Variants in KLHL18 observed in about 807,000 individuals in gnomAD.
KLHL18 encodes the protein kelch like family member 18.
In KLHL18, 38 loss-of-function variants were observed where a neutral mutation model predicts 58.5. The ratio of observed to expected loss-of-function variants is 0.65; its 90% CI spans 0.50 to 0.85. The LOEUF is 0.85. KLHL18 is among the 40% of genes least tolerant of loss of function. KLHL18 has a pLI of 0.00. For missense variants in KLHL18, 624 were observed against 778.4 expected (o/e 0.80, Z 2.36); for synonymous variants, 303 against 301.9 (o/e 1.00, Z -0.04).
chr3:47,325,995 A>G (rs370398081), intron 3 of KLHL18, among the ~76,000 whole-genome samples: 1 of 151,700 alleles, frequency 6.6e-6, no homozygotes, highest in Non-Finnish European at 1.5e-5. Flanking sequence ...TCGCCCAGGC[A>G]GGAATGCAGT....
At chr3:47,288,232 A>G in intron 1 of KLHL18, among the ~76,000 whole-genome samples, 1 of 151,444 alleles carries the variant, frequency 6.6e-6, no homozygotes, top group Non-Finnish European at 1.5e-5. Flanking sequence ...AAAAAAAAAA[A>G]AAAAAAAAAA....
intron 3 of KLHL18, among the ~76,000 whole-genome samples, chr3:47,327,656 A>T (rs2107642806): frequency 6.6e-6 from 1 of 152,360 alleles, no homozygotes; most frequent in South Asian, 2.1e-4. Flanking sequence ...CTTTGCCTAC[A>T]TCTTGCTCTC....
chr3:47,341,770 A>C (rs1372320369), intron 8 of KLHL18, among the ~76,000 whole-genome samples: 1 of 152,098 alleles, frequency 6.6e-6, no homozygotes, highest in African/African-American at 2.4e-5. Context: ...GAAGAACCAC[A>C]TGAAGGGCTG....
chr3:47,322,930 T>C (rs1039545557), intron 3 of KLHL18, among the ~76,000 whole-genome samples: 3 of 152,158 alleles, frequency 2.0e-5, no homozygotes, highest in Admixed American at 6.5e-5. Flanking sequence ...GCCTGCCCTT[T>C]CCCTTGGCTT....
Position 47,343,961 on chromosome 3 carries a change from T to G in KLHL18, c.*20T>G, listed in dbSNP as rs780197688. On this transcript the variant is annotated 3_prime_UTR_variant, in exon 10 of 10. Transcript: ENST00000232766. ...ATCTAAGGCAGAGGATGGGATGTGG[T>G]GGGGCAGGGATCTGGTACAGACATA... 6.2e-7 allele frequency: 1 copy of G among 1,610,310 alleles called. No individual in the cohort carries two copies. The highest frequency in any genetic ancestry group is 1.1e-5 in the South Asian group (1 of 91,052).
At chr3:47,310,867 A>T (rs568647362) in intron 1 of KLHL18, among the ~76,000 whole-genome samples, 1 of 152,226 alleles carries the variant, frequency 6.6e-6, no homozygotes, top group South Asian at 2.1e-4. Context: ...GGCCGAGCTC[A>T]GCTCTTCTCT....
At chr3:47,333,448 T>C in intron 5 of KLHL18, 131 bp downstream of exon 5, 1 of 885,250 alleles carries the variant, frequency 1.1e-6, no homozygotes, top group Non-Finnish European at 1.7e-6. Context: ...CAGATTGGTC[T>C]GCCCTCTGTC....
At chr3:47,319,381 CCATT>C (rs1019185729) in intron 1 of KLHL18, among the ~76,000 whole-genome samples, 2 of 152,190 alleles carry the variant, frequency 1.3e-5, no homozygotes, top group African/African-American at 4.8e-5. Context: ...TTACATGAAA[CCATT>C]CAGGCTTAAA....
chr3:47,293,432 T>G (rs1042513297), intron 1 of KLHL18, among the ~76,000 whole-genome samples: 9 of 152,220 alleles, frequency 5.9e-5, no homozygotes, highest in Admixed American at 5.9e-4. Flanking sequence ...CATCTGATGC[T>G]AAGGAGTAAT....
chr3:47,336,837 A>G lies in KLHL18; in HGVS notation c.1121+80A>G, dbSNP rs920677057. On this transcript the variant is annotated intron_variant, in intron 7 of 9. Transcript: ENST00000232766. Reference sequence around the variant, plus strand: ...CCATGCTAGACGAGCAGGGGCACACAGTAGAGTAAAATACAAGCTTTGGCC... The same window carrying G: ...CCATGCTAGACGAGCAGGGGCACACGGTAGAGTAAAATACAAGCTTTGGCC... The G allele has an allele frequency of 3.6e-6, 4 of 1,120,466 alleles. No individual in the cohort carries two copies. The African/African-American group carries it at 4.6e-5, about 13-fold the overall frequency. The allele number at this position is 1,120,466 out of a possible 1,614,324, so 69.4% of individuals were successfully genotyped here.
chr3:47,288,245 G>C (rs1388162170), intron 1 of KLHL18, among the ~76,000 whole-genome samples: 4 of 119,660 alleles, frequency 3.3e-5, no homozygotes, highest in Non-Finnish European at 5.3e-5. Context: ...AAAAAAAAAA[G>C]ACTTTGCCAA....
intron 1 of KLHL18, among the ~76,000 whole-genome samples, chr3:47,288,989 A>G (rs145544381): frequency 9.9e-4 from 151 of 152,356 alleles, no homozygotes; most frequent in African/African-American, 3.5e-3. Context: ...CACACTTGCT[A>G]GGTTTAATGA....
At chr3:47,330,931 C>G (rs1703842836) in intron 4 of KLHL18, among the ~76,000 whole-genome samples, 2 of 151,718 alleles carry the variant, frequency 1.3e-5, no homozygotes, top group Admixed American at 1.3e-4. Flanking sequence ...GGGGTTTCAC[C>G]ATGTTGGCGA....
At position 47,331,572 on chromosome 3, in the gene KLHL18, A is replaced by G. The variant is rs571995958; in HGVS notation, c.600+1423A>G. Among the ~76,000 whole-genome samples the G allele has an allele frequency of 9.9e-5, 15 of 151,196 alleles. No individual in the cohort carries two copies. In the South Asian group the frequency reaches 2.7e-3, roughly 27 times the overall value. On this transcript the variant is annotated intron_variant, in intron 4 of 9. Transcript: ENST00000232766. ...CTCAGCTTCCCAAGTAGCTGGGATT[A>G]CAGGTGTGCGCCATCATGCCTGGCT...
chr3:47,285,948 G>A (rs1416499096), intron 1 of KLHL18, among the ~76,000 whole-genome samples: 1 of 151,880 alleles, frequency 6.6e-6, no homozygotes, highest in Non-Finnish European at 1.5e-5. Flanking sequence ...GCTGAGGTGG[G>A]AGGATCACTT....
rs772903213 is a variant in KLHL18 at position 47,283,054 on chromosome 3, A to G, written c.89A>G (p.Glu30Gly). 1.1e-5 allele frequency: 18 copies of G among 1,597,536 alleles called. No homozygotes were observed. The highest frequency in any genetic ancestry group is 1.7e-6 in the Non-Finnish European group (2 of 1,172,592). The change falls in exon 1 of 10, where the codon GAG becomes GGG. Residue 30 changes from glutamate (E) to glycine (G), a missense_variant. By Grantham distance (98) the Glu-to-Gly change is moderately conservative. Transcript: ENST00000232766. Reference protein sequence around the residue: ...LPSRGYGVMEEIRRQGKLCDV... With the variant: ...LPSRGYGVMEGIRRQGKLCDV... ...AGTCGCGGCTACGGCGTCATGGAGG[A>G]GATCCGGCGGCAGGGCAAGCTGTGC...
Position 47,334,577 on chromosome 3 carries a change from C to G in KLHL18, c.762-106C>G, listed in dbSNP as rs1703941067. The G allele has an allele frequency of 7.4e-7, 1 of 1,355,670 alleles. No individual in the cohort carries two copies. The highest frequency in any genetic ancestry group is 1.9e-5 in the Admixed American group (1 of 52,692). 84.0% of individuals were successfully genotyped at this position (1,355,670 alleles called of 1,614,324 possible). A position where few individuals can be genotyped will look rare whatever the true frequency, so the allele number is the denominator to read the frequency against. ...CCAGACCTTCCAGAAGGCTTCTCCT[C>G]CCAGGTTTCCCCTGCAGTTGGCAGT... On this transcript the variant is annotated intron_variant, in intron 5 of 9. Coordinates refer to ENST00000232766, the MANE Select transcript of KLHL18 (RefSeq NM_025010.5). The surrounding 1 kb of genome is among the most constrained non-coding windows in gnomAD (Gnocchi z 4.7).
At position 47,344,853 on chromosome 3, in the gene KLHL18, A is replaced by G. The variant is rs1173236277; in HGVS notation, c.*912A>G. The G allele has an allele frequency of 1.3e-5, 2 of 152,622 alleles. No homozygotes were observed. Among genetic ancestry groups the G allele is most frequent in the Non-Finnish European group, 2.9e-5 (2 of 68,054 alleles). The allele number at this position is 152,622 out of a possible 1,614,324, so 9.5% of individuals were successfully genotyped here. On this transcript the variant is annotated 3_prime_UTR_variant, in exon 10 of 10. Transcript: ENST00000232766. ...TCTGAGCCCCAGTGTGTGTGGAATC[A>G]GTGCACTCTTGACTGGGCCTGTAGT...
At chr3:47,310,254 A>G (rs1233547404) in intron 1 of KLHL18, among the ~76,000 whole-genome samples, 1 of 152,214 alleles carries the variant, frequency 6.6e-6, no homozygotes, top group Non-Finnish European at 1.5e-5. Flanking sequence ...CTGAGGTAGC[A>G]GAGCTGGTGA....
Sources: allele counts gnomAD v4.1 joint callset (sites outside exome capture counted in the v4.1 genomes callset), GRCh38; gene constraint gnomAD v4.1.1; non-coding constraint Gnocchi (gnomAD v3.1); transcripts MANE v1.5; gene names NCBI Gene and HGNC (gene_info 2026-07-23, HGNC 2026-07-21).